TREML1: variants seen among roughly 807,000 people sequenced by gnomAD.
The protein encoded by TREML1 is trem-like transcript 1 protein.
A neutral mutation model predicts 22.8 loss-of-function variants in TREML1; 27 were observed. That is an observed-to-expected ratio of 1.19 (90% CI 0.87 to 1.64). The LOEUF is 1.64. Among genes scored for constraint, TREML1 ranks in the 40% most tolerant of loss-of-function variants. TREML1 has a pLI of 0.00. For synonymous variants in TREML1, 153 were observed against 161.9 expected, an observed-to-expected ratio of 0.94 and a Z score of 0.42; for missense variants, 356 against 382.0, an observed-to-expected ratio of 0.93 and a Z score of 0.57.
Position 41,149,830 on chromosome 6 carries a change from G to A in TREML1, c.710C>T (p.Pro237Leu), listed in dbSNP as rs1478452442. 1 of 1,614,010 alleles carries A rather than the reference G, an allele frequency of 6.2e-7. No individual in the cohort carries two copies. Among genetic ancestry groups the A allele is most frequent in the Admixed American group, 1.7e-5 (1 of 60,008 alleles). ...GTAGGTGGTATTGTCAAATGAAGGT[G>A]GTGAGTCAAGCCTAATGTGTGGTAC... is the stretch of plus-strand genomic sequence containing the variant. Reference protein sequence around the residue: ...LDVPHIRLDSPPSFDNTTYTS... With the variant: ...LDVPHIRLDSLPSFDNTTYTS... Residue 237 changes from proline (P) to leucine (L), a missense_variant, in exon 6 of 6, where the codon CCA becomes CTA. By Grantham distance (98) the Pro-to-Leu change is moderately conservative. Transcript: ENST00000426005.
chr6:41,153,868 A>G lies in TREML1; in HGVS notation c.266T>C (p.Val89Ala). 1 of 1,613,876 alleles carries G rather than the reference A, an allele frequency of 6.2e-7. No individual in the cohort carries two copies. Among genetic ancestry groups the G allele is most frequent in the Non-Finnish European group, 8.5e-7 (1 of 1,179,934 alleles). ...CTCTTCCTGCAGGGTAACCATTTCCACCTGCAGCAGGCCCCCACCCAGGTC... is the reference window on the plus strand; with the variant it reads ...CTCTTCCTGCAGGGTAACCATTTCCGCCTGCAGCAGGCCCCCACCCAGGTC... ...LTDLGGGLLQ[V>A]EMVTLQEEDA... The change falls in exon 2 of 6, where the codon GTG becomes GCG. Residue 89 changes from valine (V) to alanine (A), a missense_variant. Physicochemically the swap from Val to Ala is moderately conservative, Grantham distance 64 (BLOSUM62 0). Transcript: ENST00000426005.
In TREML1 at chr6:41,149,922, T is replaced by C. The variant is rs1457144614; in HGVS notation, c.622-4A>G. 5 of 1,609,706 alleles carry C rather than the reference T, an allele frequency of 3.1e-6. No homozygotes were observed. The highest frequency in any genetic ancestry group is 1.7e-5 in the Admixed American group (1 of 59,910). ...GGTGGACCACTGAGGAGGGATTCTGTAACAAAAGCAGGCAAGTCAGGAATG... is the reference window on the plus strand; with the variant it reads ...GGTGGACCACTGAGGAGGGATTCTGCAACAAAAGCAGGCAAGTCAGGAATG... On this transcript the variant is annotated splice_polypyrimidine_tract_variant and splice_region_variant and intron_variant, in intron 5 of 5. Transcript: ENST00000426005.
In TREML1 at chr6:41,149,669, T is replaced by C; in HGVS notation, c.871A>G (p.Lys291Glu). The change falls in exon 6 of 6, where the codon AAG becomes GAG. Residue 291 changes from lysine (K) to glutamate (E), a missense_variant. Transcript: ENST00000426005. Reference sequence around the variant, plus strand: ...GGCCCACACGAGGTCCCTCCACCCTTGTTCCCTCCCGGGAAGATTACTGTG... The same window carrying C: ...GGCCCACACGAGGTCCCTCCACCCTCGTTCCCTCCCGGGAAGATTACTGTG... ...YATVIFPGGN[K>E]GGGTSCGPAQ... 2 of 1,614,160 alleles carry C rather than the reference T, an allele frequency of 1.2e-6. No homozygotes were observed. Among genetic ancestry groups the C allele is most frequent in the Non-Finnish European group, 1.7e-6 (2 of 1,180,038 alleles).
Position 41,150,921 on chromosome 6 carries a change from A to T in TREML1, c.480-14T>A. 6.2e-7 allele frequency: 1 copy of T among 1,612,842 alleles called. No individual in the cohort carries two copies. The highest frequency in any genetic ancestry group is 8.5e-7 in the Non-Finnish European group (1 of 1,178,974). The stretch of plus-strand genomic sequence containing the variant: ...ATCAAGGGGATGCTGAGGAACAGAA[A>T]GGGATAGGCAGGCTTAGACCTGAAG... On this transcript the variant is annotated splice_polypyrimidine_tract_variant and intron_variant, in intron 3 of 5. Coordinates refer to ENST00000426005, the MANE Select transcript of TREML1 (RefSeq NM_178174.4).
chr6:41,149,599 G>A lies in TREML1; in HGVS notation c.*5C>T, dbSNP rs886696387. 2 of 1,604,422 alleles carry A rather than the reference G, an allele frequency of 1.2e-6. No homozygotes were observed. Among genetic ancestry groups the A allele is most frequent in the Non-Finnish European group, 1.7e-6 (2 of 1,174,024 alleles). On this transcript the variant is annotated 3_prime_UTR_variant, in exon 6 of 6. Coordinates refer to ENST00000426005, the MANE Select transcript of TREML1 (RefSeq NM_178174.4). ...TCCTCATGAGTTTAAAGTGTGATGA[G>A]CAGCTTAGCTGGATGGAGTCTGATT... is the stretch of plus-strand genomic sequence containing the variant.
Position 41,149,640 on chromosome 6 carries a change from G to A in TREML1, c.900C>T (p.Ala300=). ...GAGTCTGATTGTTAGGTGGATTCTG[G>A]GCTGGCCCACACGAGGTCCCTCCAC... is the stretch of plus-strand genomic sequence containing the variant. ...NKGGGTSCGP[A]QNPPNNQTPS... is the part of the protein sequence containing the mutation. Residue 300 remains alanine (A), a synonymous_variant, in exon 6 of 6, where the codon GCC becomes GCT. Transcript: ENST00000426005. The A allele has an allele frequency of 6.2e-7, 1 of 1,613,862 alleles. No homozygotes were observed. Among genetic ancestry groups the A allele is most frequent in the Non-Finnish European group, 8.5e-7 (1 of 1,179,862 alleles).
rs569968845 is a variant in TREML1 at position 41,151,676 on chromosome 6, C to T, written c.377-292G>A. The T allele has an allele frequency of 9.4e-6, 4 of 426,314 alleles. No homozygotes were observed. In the South Asian group the frequency reaches 9.6e-5, roughly 10 times the overall value. 26.4% of individuals were successfully genotyped at this position (426,314 alleles called of 1,614,324 possible). On this transcript the variant is annotated intron_variant, in intron 2 of 5. Transcript: ENST00000426005. ...TCCTGCTGCATTTCTTCCCTTTTACCTGCTCTACCCCTCACCCCTCTGGCC... is the reference window on the plus strand; with the variant it reads ...TCCTGCTGCATTTCTTCCCTTTTACTTGCTCTACCCCTCACCCCTCTGGCC...
intron 2 of TREML1, among the ~76,000 whole-genome samples, chr6:41,151,798 A>G (rs550145300): frequency 4.7e-4 from 71 of 152,242 alleles, no homozygotes; most frequent in Non-Finnish European, 7.4e-4. Context: ...CTCATCCTCA[A>G]TGGTGACATA....
Position 41,151,400 on chromosome 6 carries a change from T to G in TREML1, c.377-16A>C. 1.9e-6 allele frequency: 3 copies of G among 1,610,694 alleles called. No homozygotes were observed. The South Asian group carries it at 3.3e-5, about 18-fold the overall frequency. On this transcript the variant is annotated splice_polypyrimidine_tract_variant and intron_variant, in intron 2 of 5. Transcript: ENST00000426005. ...TCTTCTTCCTCTGTCAGGCCAGGAA[T>G]GGAGTCAGAAGGAAACATTTAATGA... is the stretch of plus-strand genomic sequence containing the variant.
chr6:41,150,142 G>A, intron 5 of TREML1, 119 bp downstream of exon 5: 1 of 1,179,740 alleles, frequency 8.5e-7, no homozygotes, highest in Non-Finnish European at 1.2e-6. Flanking sequence ...TTAGGAAGAG[G>A]GTTTGGACCC....
chr6:41,149,394 C>T lies in TREML1; in HGVS notation c.*210G>A, dbSNP rs775019101. The T allele has an allele frequency of 8.4e-5, 46 of 550,806 alleles. No individual in the cohort carries two copies. Among genetic ancestry groups the T allele is most frequent in the Non-Finnish European group, 1.2e-4 (38 of 311,178 alleles). 34.1% of individuals were successfully genotyped at this position (550,806 alleles called of 1,614,324 possible). A position where few individuals can be genotyped will look rare whatever the true frequency, so the allele number is the denominator to read the frequency against. Reference sequence around the variant, plus strand: ...AGCCCAGTGTGTAATGGTAGAAGAACCAGTGGGGGAGTTGGGTGCAGGGAG... The same window carrying T: ...AGCCCAGTGTGTAATGGTAGAAGAATCAGTGGGGGAGTTGGGTGCAGGGAG... On this transcript the variant is annotated 3_prime_UTR_variant, in exon 6 of 6. Transcript: ENST00000426005.
At position 41,149,625 on chromosome 6, in the gene TREML1, G is replaced by C; in HGVS notation, c.915C>G (p.Asn305Lys). 6.2e-7 allele frequency: 1 copy of C among 1,612,744 alleles called. No homozygotes were observed. Reference sequence around the variant, plus strand: ...CAGCTTAGCTGGATGGAGTCTGATTGTTAGGTGGATTCTGGGCTGGCCCAC... The same window carrying C: ...CAGCTTAGCTGGATGGAGTCTGATTCTTAGGTGGATTCTGGGCTGGCCCAC... ...TSCGPAQNPPNNQTPSS is the reference protein window; with the variant it reads ...TSCGPAQNPPKNQTPSS The change falls in exon 6 of 6, where the codon AAC becomes AAG. Residue 305 changes from asparagine (N) to lysine (K), a missense_variant. By Grantham distance (94) the Asn-to-Lys change is moderately conservative (BLOSUM62 0). Transcript: ENST00000426005.
chr6:41,154,106 AGGT>A lies in TREML1; in HGVS notation c.44-19_44-17del. Reference sequence around the variant, plus strand: ...ATGCCCTGACCTGGGGAAGGAAAGGAGGTGGGAATTTTGGGCAGGAGCTGGGAG... The same window carrying A: ...ATGCCCTGACCTGGGGAAGGAAAGGAGGGAATTTTGGGCAGGAGCTGGGAG... On this transcript the variant is annotated splice_polypyrimidine_tract_variant and intron_variant, in intron 1 of 5. Coordinates refer to ENST00000426005, the MANE Select transcript of TREML1 (RefSeq NM_178174.4). The A allele has an allele frequency of 6.2e-7, 1 of 1,604,034 alleles. No individual in the cohort carries two copies. Among genetic ancestry groups the A allele is most frequent in the East Asian group, 2.2e-5 (1 of 44,704 alleles).
At position 41,150,788 on chromosome 6, in the gene TREML1, G is replaced by A. The variant is rs774810745; in HGVS notation, c.568+31C>T. On this transcript the variant is annotated intron_variant, in intron 4 of 5. Transcript: ENST00000426005. ...AACTGGTTGATACTGGAATGGTAGGGCCAGGCTGAGATAGGAAGATAGCCA... is the reference window on the plus strand; with the variant it reads ...AACTGGTTGATACTGGAATGGTAGGACCAGGCTGAGATAGGAAGATAGCCA... The A allele has an allele frequency of 1.3e-5, 21 of 1,594,306 alleles. No individual in the cohort carries two copies. The South Asian group carries it at 2.1e-4, about 16-fold the overall frequency.
At chr6:41,151,188 G>T in intron 3 of TREML1, 94 bp downstream of exon 3, 1 of 1,134,744 alleles carries the variant, frequency 8.8e-7, no homozygotes, top group Non-Finnish European at 1.3e-6. Flanking sequence ...AAGAATCATA[G>T]GTTTTCCCCT....
intron 2 of TREML1, 73 bp downstream of exon 2, chr6:41,153,685 C>A: frequency 6.8e-7 from 1 of 1,461,088 alleles, no homozygotes; most frequent in Non-Finnish European, 9.3e-7. Context: ...CCTCAAGAAC[C>A]CATGAGCCCT....
Position 41,153,866 on chromosome 6 carries a change from C to T in TREML1, c.268G>A (p.Glu90Lys). ...TCCTCTTCCTGCAGGGTAACCATTT[C>T]CACCTGCAGCAGGCCCCCACCCAGG... ...TDLGGGLLQVEMVTLQEEDAG... is the reference protein window; with the variant it reads ...TDLGGGLLQVKMVTLQEEDAG... The change falls in exon 2 of 6, where the codon GAA becomes AAA. Residue 90 changes from glutamate (E) to lysine (K), a missense_variant. Transcript: ENST00000426005. 1.9e-6 allele frequency: 3 copies of T among 1,614,210 alleles called. No homozygotes were observed. The highest frequency in any genetic ancestry group is 1.7e-5 in the Admixed American group (1 of 60,030).
chr6:41,153,676 C>T (rs1274430277), intron 2 of TREML1, 82 bp downstream of exon 2: 26 of 1,438,664 alleles, frequency 1.8e-5, no homozygotes, highest in Non-Finnish European at 2.4e-5. Flanking sequence ...GCCCCCACTC[C>T]TCAAGAACCC....
Position 41,153,827 on chromosome 6 carries a change from C to T in TREML1, c.307G>A (p.Gly103Ser). Residue 103 changes from glycine (G) to serine (S), a missense_variant, in exon 2 of 6, where the codon GGC (glycine) becomes AGC (serine). Physicochemically the swap from Gly to Ser is moderately conservative, Grantham distance 56. Transcript: ENST00000426005. ...CCCCTGGCCCCATCCACCATGCAGC[C>T]ATACTCGCCAGCATCCTCTTCCTGC... ...TLQEEDAGEY[G>S]CMVDGARGPQ... 2 of 1,614,166 alleles carry T rather than the reference C, an allele frequency of 1.2e-6. No homozygotes were observed. Among genetic ancestry groups the T allele is most frequent in the African/African-American group, 1.3e-5 (1 of 75,028 alleles).
Sources: allele counts gnomAD v4.1 joint callset (sites outside exome capture counted in the v4.1 genomes callset), GRCh38; gene constraint gnomAD v4.1.1; transcripts MANE v1.5; gene names NCBI Gene and HGNC (gene_info 2026-07-23, HGNC 2026-07-21).